CFAP46: variants seen among roughly 807,000 people sequenced by gnomAD.
CFAP46 encodes cilia- and flagella-associated protein 46.
A neutral mutation model predicts 325.7 loss-of-function variants in CFAP46; 245 were observed. The observed-to-expected ratio is 0.75, with a 90% CI of 0.68 to 0.84. The LOEUF (loss-of-function observed/expected upper bound fraction) is 0.84, where lower values mean the gene tolerates loss of function less well. CFAP46 is among the 40% of genes least tolerant of loss of function. The probability of loss-of-function intolerance (pLI) is 0.00; values close to 1 mark genes in which losing one functional copy is unlikely to be tolerated. For missense variants in CFAP46, 3,346 were observed against 3,543.0 expected (o/e 0.94, Z 1.41); for synonymous variants, 1,523 against 1,495.9 (o/e 1.02, Z -0.42).
At chr10:132,820,812 TGTGCTGATGTGTGCTGA>T (rs1847788041) in intron 50 of CFAP46, among the ~76,000 whole-genome samples, 1 of 138,560 alleles carries the variant, frequency 7.2e-6, no homozygotes, top group Non-Finnish European at 1.5e-5. Flanking sequence ...GTGTGCTGTG[TGTGCTGATGTGTGCTGA>T]GTGCTGATGT....
chr10:132,867,942 G>A (rs974969327), intron 33 of CFAP46, among the ~76,000 whole-genome samples: 2 of 152,156 alleles, frequency 1.3e-5, no homozygotes, highest in Non-Finnish European at 2.9e-5. Flanking sequence ...ACCTGGCCCC[G>A]GCCACGGCCC....
chr10:132,826,541 G>A (rs1476541586), intron 50 of CFAP46, among the ~76,000 whole-genome samples: 8 of 123,200 alleles, frequency 6.5e-5, no homozygotes, highest in African/African-American at 1.6e-4. Context: ...GACCAGCCAC[G>A]GAGCCAGGCA....
intron 1 of CFAP46, 100 bp from the exon 2 acceptor site, chr10:132,942,204 C>T (rs1850116182): frequency 2.1e-6 from 3 of 1,455,792 alleles, no homozygotes; most frequent in Non-Finnish European, 2.8e-6. Flanking sequence ...CCTTGGGCCC[C>T]CGGGCCACAG....
At chr10:132,846,627 G>A (rs1482600099) in intron 43 of CFAP46, among the ~76,000 whole-genome samples, 1 of 151,854 alleles carries the variant, frequency 6.6e-6, no homozygotes, top group African/African-American at 2.4e-5. Flanking sequence ...TGCGACTGCC[G>A]GGTCTCTGTG....
At chr10:132,849,337 G>A (rs1848496095) in intron 41 of CFAP46, among the ~76,000 whole-genome samples, 1 of 152,256 alleles carries the variant, frequency 6.6e-6, no homozygotes, top group Admixed American at 6.5e-5. Flanking sequence ...GAAGACGCAG[G>A]ACAGACATTT....
In CFAP46 at chr10:132,850,312, C is replaced by A; in HGVS notation, c.5884G>T (p.Ala1962Ser). 6.4e-7 allele frequency: 1 copy of A among 1,551,400 alleles called. No homozygotes were observed. Among genetic ancestry groups the A allele is most frequent in the South Asian group, 1.2e-5 (1 of 84,132 alleles). ...GCTTGCATGGCCAGCAGGTGCAGGG[C>A]CCTCCCGGCCAGGCCCAGGAGCCGG... is the stretch of plus-strand genomic sequence containing the variant. ...RARLLGLAGR[A>S]LHLLAMQADP... Residue 1962 changes from alanine (A) to serine (S), a missense_variant, in exon 41 of 58, where the codon GCC becomes TCC. Coordinates refer to ENST00000368586, the MANE Select transcript of CFAP46 (RefSeq NM_001200049.3).
rs1425001831 is a variant in CFAP46, at chr10:132,859,078, T to C, written c.5368A>G (p.Ile1790Val). The C allele has an allele frequency of 6.4e-7, 1 of 1,550,686 alleles. No individual in the cohort carries two copies. The highest frequency in any genetic ancestry group is 8.7e-7 in the Non-Finnish European group (1 of 1,146,864). Residue 1790 changes from isoleucine (I) to valine (V), a missense_variant, in exon 38 of 58, where the codon ATC becomes GTC. Coordinates refer to ENST00000368586, the MANE Select transcript of CFAP46 (RefSeq NM_001200049.3). Reference sequence around the variant, plus strand: ...TCGTGGAGGCAGCCTTACCTCTTGATCTTCGCACGCTCTAGTTTTACGTCA... The same window carrying C: ...TCGTGGAGGCAGCCTTACCTCTTGACCTTCGCACGCTCTAGTTTTACGTCA... ...CVDVKLERAK[I>V]KRLRAQNEKD...
intron 22 of CFAP46, among the ~76,000 whole-genome samples, chr10:132,902,021 G>A (rs762473099): frequency 2.0e-4 from 30 of 152,230 alleles, no homozygotes; most frequent in Admixed American, 5.2e-4. Flanking sequence ...ATCTGCTCCC[G>A]GTCTTTGGTC....
At position 132,893,410 on chromosome 10, in the gene CFAP46, G is replaced by A. The variant is rs139294863; in HGVS notation, c.3220-993C>T. Among the ~76,000 whole-genome samples, 6 of 152,320 alleles carry A rather than the reference G, an allele frequency of 3.9e-5. No homozygotes were observed. The South Asian group carries it at 8.3e-4, about 21-fold the overall frequency. ...CTGGGGTGGAGCCACAGAGGCTCAC[G>A]CCACTTGCAGCGGGGAGGAGCCTGG... On this transcript the variant is annotated intron_variant, in intron 24 of 57. Transcript: ENST00000368586.
Position 132,920,180 on chromosome 10 carries a change from A to G in CFAP46, c.1609T>C (p.Ser537Pro), listed in dbSNP as rs535760934. 1.3e-6 allele frequency: 2 copies of G among 1,533,810 alleles called. No homozygotes were observed. The highest frequency in any genetic ancestry group is 1.8e-6 in the Non-Finnish European group (2 of 1,140,372). The part of the protein sequence containing the change: ...VLDSENEAKV[S>P]TGKNRGRFTY... Reference sequence around the variant, plus strand: ...AACCGGCCCCTGTTCTTCCCGGTGGAGACTGAGGGCGGAAATGCAAAGGCA... The same window carrying G: ...AACCGGCCCCTGTTCTTCCCGGTGGGGACTGAGGGCGGAAATGCAAAGGCA... The change falls in exon 14 of 58, where the codon TCC (serine) becomes CCC (proline). Residue 537 changes from serine (S) to proline (P), a missense_variant and splice_region_variant. Coordinates refer to ENST00000368586, the MANE Select transcript of CFAP46 (RefSeq NM_001200049.3).
At chr10:132,857,398 G>A (rs770373896) in intron 39 of CFAP46, among the ~76,000 whole-genome samples, 192 bp downstream of exon 39, 1 of 152,254 alleles carries the variant, frequency 6.6e-6, no homozygotes. Context: ...CATTGCTGAC[G>A]TCTAGTGTTT....
At chr10:132,903,355 G>A (rs545465003) in intron 22 of CFAP46, among the ~76,000 whole-genome samples, 8 of 152,132 alleles carry the variant, frequency 5.3e-5, no homozygotes, top group African/African-American at 1.4e-4. Context: ...TCCACAGAAC[G>A]AGGGCCCCAC....
chr10:132,916,655 C>T lies in CFAP46; in HGVS notation c.2014G>A (p.Gly672Ser). Residue 672 changes from glycine (G) to serine (S), a missense_variant, in exon 17 of 58, where the codon GGT becomes AGT. Coordinates refer to ENST00000368586, the MANE Select transcript of CFAP46 (RefSeq NM_001200049.3). ...ATGGCCCGGTCATTCAGCTCTACAC[C>T]TTCTGACCGCAGCAAATGAACCGTG... is the stretch of plus-strand genomic sequence containing the variant. ...EATVHLLRSE[G>S]VELNDRAIPP... 1 of 1,500,832 alleles carries T rather than the reference C, an allele frequency of 6.7e-7. No individual in the cohort carries two copies. The highest frequency in any genetic ancestry group is 8.9e-7 in the Non-Finnish European group (1 of 1,120,824). 93.0% of individuals were successfully genotyped at this position (1,500,832 alleles called of 1,614,324 possible). A position where few individuals can be genotyped will look rare whatever the true frequency, so the allele number is the denominator to read the frequency against.
At chr10:132,863,066 C>G (rs1267669179) in intron 35 of CFAP46, among the ~76,000 whole-genome samples, 3 of 152,136 alleles carry the variant, frequency 2.0e-5, no homozygotes, top group African/African-American at 7.2e-5. Context: ...GGTGGCGAAC[C>G]CACGTTCGCG....
At chr10:132,846,843 T>A in intron 43 of CFAP46, 89 bp downstream of exon 43, 1 of 1,439,588 alleles carries the variant, frequency 6.9e-7, no homozygotes. Flanking sequence ...TCTAATGGAG[T>A]CCCCCCAAGG....
At chr10:132,821,614 GAT>G (rs1847833066) in intron 50 of CFAP46, among the ~76,000 whole-genome samples, 2 of 132,660 alleles carry the variant, frequency 1.5e-5, no homozygotes, top group Admixed American at 1.4e-4. Flanking sequence ...TGTGTGCGCT[GAT>G]GTGTGCTGTG....
chr10:132,847,894 GAGA>G lies in CFAP46; in HGVS notation c.5953-576_5953-574del, dbSNP rs1175595718. The stretch of plus-strand genomic sequence containing the variant: ...CAAAATAAAAACACTGATAGAAATG[GAGA>G]AGGAGTGATGGACATGTCCCCGTTC... On this transcript the variant is annotated intron_variant, in intron 41 of 57. Coordinates refer to ENST00000368586, the MANE Select transcript of CFAP46 (RefSeq NM_001200049.3). The surrounding 1 kb of genome is among the most constrained non-coding windows in gnomAD (Gnocchi z 5.2). 6.6e-6 allele frequency among the ~76,000 whole-genome samples: 1 copy of G among 152,196 alleles called. No homozygotes were observed. The highest frequency in any genetic ancestry group is 1.5e-5 in the Non-Finnish European group (1 of 68,030).
In CFAP46 at chr10:132,836,917, G is replaced by C. The variant is rs750555476; in HGVS notation, c.6439-3C>G. The C allele has an allele frequency of 1.2e-6, 2 of 1,613,302 alleles. No homozygotes were observed. The highest frequency in any genetic ancestry group is 4.5e-5 in the East Asian group (2 of 44,880). On this transcript the variant is annotated splice_region_variant and splice_polypyrimidine_tract_variant and intron_variant, in intron 44 of 57. Transcript: ENST00000368586. ...GTGACGCAGAGATTTTGCCAAGCCT[G>C]TGTGGCGAAAAACGGCCATCAGGGG...
chr10:132,941,896 C>G (rs1427416678), intron 2 of CFAP46, 84 bp downstream of exon 2: 1 of 1,527,620 alleles, frequency 6.5e-7, no homozygotes, highest in African/African-American at 1.4e-5. Flanking sequence ...TCTCCCCAGC[C>G]CCACTCTGCA....
Sources: gnomAD v4.1 joint callset for allele counts (sites outside exome capture counted in the v4.1 genomes callset) on GRCh38, gnomAD v4.1.1 for gene constraint, Gnocchi (gnomAD v3.1) non-coding constraint, MANE v1.5 for transcripts, NCBI Gene and HGNC (gene_info 2026-07-23, HGNC 2026-07-21) for gene names.